Variants in TCP10L observed in about 807,000 individuals in gnomAD.
TCP10L encodes the protein t-complex 10 like.
TCP10L carries 11 observed loss-of-function variants against 19.2 expected under a neutral mutation model. That is an observed-to-expected ratio of 0.57 (90% confidence interval 0.36 to 0.95). The LOEUF (loss-of-function observed/expected upper bound fraction) is 0.95. Among genes scored for constraint, TCP10L ranks in the 40% least tolerant of loss-of-function variants. The pLI is 0.01. For synonymous variants in TCP10L, 96 were observed against 97.2 expected (o/e 0.99, Z 0.07); for missense variants, 247 against 263.9 (o/e 0.94, Z 0.44).
chr21:32,578,966 C>T lies in TCP10L; in HGVS notation c.361-135G>A. The T allele has an allele frequency of 1.4e-6, 2 of 1,410,374 alleles. No homozygotes were observed. Among genetic ancestry groups the T allele is most frequent in the Non-Finnish European group, 1.9e-6 (2 of 1,049,744 alleles). The allele number at this position is 1,410,374 out of a possible 1,614,324, so 87.4% of individuals were successfully genotyped here. On this transcript the variant is annotated intron_variant, in intron 3 of 4. Coordinates refer to ENST00000300258, the MANE Select transcript of TCP10L (RefSeq NM_144659.7). This position sits in a 1 kb window ranked among gnomAD's most constrained non-coding sequence, Gnocchi z 4.2. ...GGTAGGGGGACTTGGACTGGGTTTT[C>T]CCCCTAATATGTTGATAAGAACAGA...
At chr21:32,583,316 G>A (rs895634107) in intron 2 of TCP10L, among the ~76,000 whole-genome samples, 1 of 151,968 alleles carries the variant, frequency 6.6e-6, no homozygotes, top group Non-Finnish European at 1.5e-5. Context: ...CCGGCCGGGC[G>A]CGGTGGCTCA....
rs1601120045 is a variant in TCP10L at position 32,576,168 on chromosome 21, A to G, written c.*606T>C. 8.9e-7 allele frequency: 1 copy of G among 1,129,710 alleles called. No homozygotes were observed. Among genetic ancestry groups the G allele is most frequent in the Non-Finnish European group, 1.3e-6 (1 of 788,060 alleles). 70.0% of individuals were successfully genotyped at this position (1,129,710 alleles called of 1,614,324 possible). On this transcript the variant is annotated 3_prime_UTR_variant, in exon 5 of 5. Transcript: ENST00000300258. Reference sequence around the variant, plus strand: ...ACGCGTATCCACGAGAAAGCCCCGCATTTCACGGGGAGCATAGAAACAGGA... The same window carrying G: ...ACGCGTATCCACGAGAAAGCCCCGCGTTTCACGGGGAGCATAGAAACAGGA...
At chr21:32,583,024 C>CTTTTTT (rs59972145) in intron 2 of TCP10L, among the ~76,000 whole-genome samples, 24 of 94,808 alleles carry the variant, frequency 2.5e-4, no homozygotes, top group Non-Finnish European at 4.5e-4. Context: ...CATTCTTTTC[C>CTTTTTT]TTTTTTTTTT....
In TCP10L at chr21:32,574,580, A is replaced by C. The variant is rs953341904; in HGVS notation, c.*2194T>G. The C allele has an allele frequency of 1.8e-5, 3 of 171,038 alleles. No homozygotes were observed. The highest frequency in any genetic ancestry group is 4.3e-5 in the Non-Finnish European group (3 of 69,512). 10.6% of individuals were successfully genotyped at this position (171,038 alleles called of 1,614,324 possible). Reference sequence around the variant, plus strand: ...GAAGCCACTCAGCCCACCTACCTGCAGCTCTGCAATGTTTGGGGAAGAAGC... The same window carrying C: ...GAAGCCACTCAGCCCACCTACCTGCCGCTCTGCAATGTTTGGGGAAGAAGC... On this transcript the variant is annotated 3_prime_UTR_variant, in exon 5 of 5. Coordinates refer to ENST00000300258, the MANE Select transcript of TCP10L (RefSeq NM_144659.7).
At chr21:32,584,743 G>A (rs1380113714) in intron 1 of TCP10L, among the ~76,000 whole-genome samples, 2 of 152,070 alleles carry the variant, frequency 1.3e-5, no homozygotes, top group East Asian at 1.9e-4. Flanking sequence ...GGTGTGAGCA[G>A]GTGTGAGTGG....
chr21:32,583,664 G>A (rs1022618152), intron 2 of TCP10L, among the ~76,000 whole-genome samples: 2 of 152,004 alleles, frequency 1.3e-5, no homozygotes, highest in South Asian at 4.2e-4. Flanking sequence ...CTTCCCCTGG[G>A]ATCCTTCACT....
intron 4 of TCP10L, 132 bp from the exon 5 acceptor site, chr21:32,577,055 G>A: frequency 1.1e-6 from 1 of 926,418 alleles, no homozygotes; most frequent in Non-Finnish European, 1.6e-6. Flanking sequence ...GGACACATGA[G>A]GTATCCACAC....
At position 32,576,364 on chromosome 21, in the gene TCP10L, C is replaced by T; in HGVS notation, c.*410G>A. The T allele has an allele frequency of 7.6e-7, 1 of 1,324,136 alleles. No homozygotes were observed. The highest frequency in any genetic ancestry group is 1.0e-6 in the Non-Finnish European group (1 of 955,088). The allele number at this position is 1,324,136 out of a possible 1,614,324, so 82.0% of individuals were successfully genotyped here. A position where few individuals can be genotyped will look rare whatever the true frequency, so the allele number is the denominator to read the frequency against. ...TCACAGGCCCGCCTTGTCACAAGGTCCCTGGAGCGGGCAATGCCTTGAGCC... is the reference window on the plus strand; with the variant it reads ...TCACAGGCCCGCCTTGTCACAAGGTTCCTGGAGCGGGCAATGCCTTGAGCC... On this transcript the variant is annotated 3_prime_UTR_variant, in exon 5 of 5. Coordinates refer to ENST00000300258, the MANE Select transcript of TCP10L (RefSeq NM_144659.7).
chr21:32,585,074 C>G (rs2038546074), intron 1 of TCP10L, among the ~76,000 whole-genome samples: 1 of 152,298 alleles, frequency 6.6e-6, no homozygotes, highest in South Asian at 2.1e-4. Context: ...TGGCCCCCAA[C>G]GAAACCCCGA....
intron 3 of TCP10L, among the ~76,000 whole-genome samples, chr21:32,580,476 CTGTGTGTGTGTGTGTGTGTGTGTGTG>C (rs3056366): frequency 3.6e-5 from 5 of 137,318 alleles, no homozygotes; most frequent in Non-Finnish European, 6.3e-5. Flanking sequence ...CGGTGGGTGC[CTGTGTGTGTGTGTGTGTGTGTGTGTG>C]TGTGTGTGTG....
rs537621992 is a variant in TCP10L, at chr21:32,582,092, C to T, written c.360+108G>A. 18 of 1,284,256 alleles carry T rather than the reference C, an allele frequency of 1.4e-5. No individual in the cohort carries two copies. Among genetic ancestry groups the T allele is most frequent in the South Asian group, 1.4e-4 (10 of 71,452 alleles). 79.6% of individuals were successfully genotyped at this position (1,284,256 alleles called of 1,614,324 possible). ...AAAGATAGCAACCCCTCCCACCACC[C>T]GGAGCGTGAGTGATACCGCGTCATT... On this transcript the variant is annotated intron_variant, in intron 3 of 4. Coordinates refer to ENST00000300258, the MANE Select transcript of TCP10L (RefSeq NM_144659.7). This position sits in a 1 kb window ranked among gnomAD's most constrained non-coding sequence, Gnocchi z 4.2.
intron 2 of TCP10L, 108 bp downstream of exon 2, chr21:32,584,053 G>T: frequency 7.0e-7 from 1 of 1,422,478 alleles, no homozygotes. Flanking sequence ...CCGGGGTGGT[G>T]CATTCCTACA....
At chr21:32,584,044 C>A in intron 2 of TCP10L, 117 bp downstream of exon 2, 2 of 1,368,716 alleles carry the variant, frequency 1.5e-6, no homozygotes, top group Non-Finnish European at 2.0e-6. Context: ...ATCAGTGTCC[C>A]GGGGTGGTGC....
Position 32,584,218 on chromosome 21 carries a change from C to T in TCP10L, c.87G>A (p.Glu29=). 3 of 1,614,164 alleles carry T rather than the reference C, an allele frequency of 1.9e-6. No homozygotes were observed. Among genetic ancestry groups the T allele is most frequent in the Non-Finnish European group, 2.5e-6 (3 of 1,180,016 alleles). ...GAACCTCGGCTGCCACAGCTGTCTT[C>T]TCCATGACAGCCCCAGCTCCTGGGC... The part of the protein sequence containing the change: ...DPCPGAGAVM[E]KTAVAAEVLT... Residue 29 remains glutamate, a synonymous_variant, in exon 2 of 5, where the codon GAG becomes GAA. Coordinates refer to ENST00000300258, the MANE Select transcript of TCP10L (RefSeq NM_144659.7).
intron 2 of TCP10L, among the ~76,000 whole-genome samples, chr21:32,583,558 C>A (rs3843782): frequency 7.1e-6 from 1 of 140,116 alleles, no homozygotes; most frequent in African/African-American, 2.7e-5. Flanking sequence ...CACTGCACTC[C>A]AGCCTGGGCG....
chr21:32,582,397 TG>T lies in TCP10L; in HGVS notation c.162del (p.Ile55SerfsTer25). ...TGEMPPLQQQIIRLHQELGRQ... is the reference protein window; with the variant it reads ...TGEMPPLQQQXIRLHQELGRQ... Reference sequence around the variant, plus strand: ...CTCCCAAGCTCTTGGTGGAGTCTGATGATCTGCTGCTGTAATGGCTGTTATT... The same window carrying T: ...CTCCCAAGCTCTTGGTGGAGTCTGATATCTGCTGCTGTAATGGCTGTTATT... On this transcript the variant is annotated frameshift_variant, in exon 3 of 5. Coordinates refer to ENST00000300258, the MANE Select transcript of TCP10L (RefSeq NM_144659.7). LOFTEE classifies it high-confidence loss of function. The surrounding 1 kb of genome is among the most constrained non-coding windows in gnomAD (Gnocchi z 4.2). 1 of 1,613,078 alleles carries T rather than the reference TG, an allele frequency of 6.2e-7. No individual in the cohort carries two copies. Among genetic ancestry groups the T allele is most frequent in the African/African-American group, 1.3e-5 (1 of 74,906 alleles).
At chr21:32,584,117 C>T in intron 2 of TCP10L, 44 bp downstream of exon 2, 1 of 1,569,532 alleles carries the variant, frequency 6.4e-7, no homozygotes, top group South Asian at 1.2e-5. Context: ...GAATCAGGGT[C>T]CCGCCTGGTG....
intron 3 of TCP10L, among the ~76,000 whole-genome samples, chr21:32,580,488 G>GTA (rs958122529): frequency 6.6e-6 from 1 of 151,032 alleles, no homozygotes; most frequent in African/African-American, 2.4e-5. Flanking sequence ...GTGTGTGTGT[G>GTA]TGTGTGTGTG....
rs1368044524 is a variant in TCP10L, at chr21:32,575,703, A to C, written c.*1071T>G. On this transcript the variant is annotated 3_prime_UTR_variant, in exon 5 of 5. Transcript: ENST00000300258. The stretch of plus-strand genomic sequence containing the variant: ...TTTGCTGGCAGCGACGTGAAGATAG[A>C]ATTCTTTCCTGACTCAACCAGGGGC... 1 of 153,120 alleles carries C rather than the reference A, an allele frequency of 6.5e-6. No homozygotes were observed. Among genetic ancestry groups the C allele is most frequent in the Non-Finnish European group, 1.5e-5 (1 of 68,424 alleles). 9.5% of individuals were successfully genotyped at this position (153,120 alleles called of 1,614,324 possible). A position where few individuals can be genotyped will look rare whatever the true frequency, so the allele number is the denominator to read the frequency against.
Sources: allele counts gnomAD v4.1 joint callset (sites outside exome capture counted in the v4.1 genomes callset), GRCh38; gene constraint gnomAD v4.1.1; non-coding constraint Gnocchi (gnomAD v3.1); transcripts MANE v1.5; gene names NCBI Gene and HGNC (gene_info 2026-07-23, HGNC 2026-07-21).